Variants in PUDP observed in about 807,000 individuals in gnomAD.
The protein encoded by PUDP is pseudouridine 5'-phosphatase.
In PUDP, 8 loss-of-function variants were observed where a neutral mutation model predicts 9.4. The observed-to-expected ratio is 0.85, with a 90% CI of 0.50 to 1.53. The LOEUF is 1.53. Among genes scored for constraint, PUDP ranks in the 40% most tolerant of loss-of-function variants. PUDP has a pLI of 0.00. For missense variants in PUDP, 188 were observed against 189.7 expected (o/e 0.99, Z 0.05); for synonymous variants, 99 against 80.7 (o/e 1.23, Z -1.22).
chrX:6,885,532 C>A lies in PUDP; in HGVS notation c.*247+91601G>T, dbSNP rs372102645. Among the ~76,000 whole-genome samples, 302 of 112,126 alleles carry A rather than the reference C, an allele frequency of 2.7e-3. 4 individuals are homozygous for A. Among genetic ancestry groups the A allele is most frequent in the Non-Finnish European group, 4.3e-3 (227 of 53,250 alleles). On this transcript the variant is annotated intron_variant and NMD_transcript_variant, in intron 3 of 3. Coordinates refer to the PUDP transcript ENST00000655425. ...ACCCAATACAAACCTTAAGGGGGAT[C>A]ATCCAATGGTCCCTGTTTATAACAG...
chrX:6,902,464 A>G (rs1293954702), intron 3 of PUDP, among the ~76,000 whole-genome samples: 1 of 112,204 alleles, frequency 8.9e-6, no homozygotes, highest in Non-Finnish European at 1.9e-5. Context: ...TTGCTCACCA[A>G]TTGCAGAGAC....
intron 3 of PUDP, among the ~76,000 whole-genome samples, chrX:6,961,835 T>C (rs1307128806): frequency 1.8e-5 from 2 of 111,835 alleles, no homozygotes; most frequent in African/African-American, 6.5e-5. Flanking sequence ...GTGCATGGTC[T>C]TTACCCGTGA....
At chrX:6,748,298 G>A (rs1239048276) in intron 3 of PUDP, among the ~76,000 whole-genome samples, 1 of 111,823 alleles carries the variant, frequency 8.9e-6, no homozygotes, top group Non-Finnish European at 1.9e-5. Context: ...GTTCCTGCAG[G>A]CTTCTTTTAT....
chrX:6,967,299 C>T (rs1352027422), intron 3 of PUDP, among the ~76,000 whole-genome samples: 1 of 111,662 alleles, frequency 9.0e-6, no homozygotes, highest in Non-Finnish European at 1.9e-5. Context: ...CTGGCCCTCA[C>T]CCCTTAGCTG....
rs766036853 is a variant in PUDP at position 7,073,064 on chromosome X, A to G, written c.510+4156T>C. On this transcript the variant is annotated intron_variant, in intron 3 of 3. Transcript: ENST00000381077. ...TTCGGCACATGGAGGCCCTCTACCCACTGGGTCTCTGGCCTTCAGGGGATG... is the reference window on the plus strand; with the variant it reads ...TTCGGCACATGGAGGCCCTCTACCCGCTGGGTCTCTGGCCTTCAGGGGATG... Among the ~76,000 whole-genome samples, 183 of 110,840 alleles carry G rather than the reference A, an allele frequency of 1.7e-3. 1 individual carries two copies. Among genetic ancestry groups the G allele is most frequent in the African/African-American group, 5.9e-3 (179 of 30,526 alleles).
downstream of PUDP, among the ~76,000 whole-genome samples, chrX:7,046,125 T>C (rs1173004276): frequency 1.8e-5 from 2 of 112,351 alleles, no homozygotes; most frequent in African/African-American, 6.5e-5. Context: ...GTTTGTATTA[T>C]GAACTCAATT....
chrX:6,872,371 T>C (rs1927188426), intron 3 of PUDP, among the ~76,000 whole-genome samples: 1 of 111,329 alleles, frequency 9.0e-6, no homozygotes, highest in Non-Finnish European at 1.9e-5. Context: ...TCCACCTTAA[T>C]GACCTCATTT....
At chrX:6,896,219 T>C (rs1927589581) in intron 3 of PUDP, among the ~76,000 whole-genome samples, 1 of 111,445 alleles carries the variant, frequency 9.0e-6, no homozygotes, top group African/African-American at 3.3e-5. Context: ...AATGGGTTGT[T>C]ATGCATTGAG....
intron 3 of PUDP, among the ~76,000 whole-genome samples, chrX:6,867,217 C>T (rs1453084518): frequency 1.8e-5 from 2 of 112,100 alleles, no homozygotes; most frequent in East Asian, 5.6e-4. Context: ...CCTGAGAACA[C>T]ATTGCCCCCT....
At chrX:6,823,006 G>A (rs1276396496) in intron 3 of PUDP, among the ~76,000 whole-genome samples, 1 of 111,368 alleles carries the variant, frequency 9.0e-6, no homozygotes, top group Non-Finnish European at 1.9e-5. Flanking sequence ...CCTCAGGCAT[G>A]AGTATAGGAT....
chrX:7,100,985 A>T (rs190721173), intron 2 of PUDP, among the ~76,000 whole-genome samples: 2 of 112,045 alleles, frequency 1.8e-5, no homozygotes, highest in Non-Finnish European at 3.8e-5. Context: ...CCAAAGCGGC[A>T]CATCATCTGA....
intron 3 of PUDP, among the ~76,000 whole-genome samples, chrX:6,878,733 A>G (rs995074168): frequency 9.2e-6 from 1 of 108,961 alleles, no homozygotes; most frequent in African/African-American, 3.3e-5. Context: ...TTAAGATTTC[A>G]TAAGATAATT....
intron 3 of PUDP, among the ~76,000 whole-genome samples, chrX:6,772,148 T>G (rs988443400): frequency 1.8e-5 from 2 of 112,606 alleles, no homozygotes; most frequent in East Asian, 2.8e-4. Context: ...TCCTCTTGCA[T>G]TCATTTGCTT....
chrX:6,825,056 G>A (rs1207540682), intron 3 of PUDP, among the ~76,000 whole-genome samples: 1 of 111,524 alleles, frequency 9.0e-6, no homozygotes, highest in Non-Finnish European at 1.9e-5. Context: ...TTGTTGTCAT[G>A]GCAGCCTGAA....
chrX:6,812,191 C>G (rs1926154910), intron 3 of PUDP, among the ~76,000 whole-genome samples: 1 of 112,061 alleles, frequency 8.9e-6, no homozygotes, highest in Non-Finnish European at 1.9e-5. Flanking sequence ...CAGACAGTCT[C>G]TCATCCACCA....
At chrX:6,733,770 CTT>C (rs3046297) in intron 3 of PUDP, among the ~76,000 whole-genome samples, 178 of 46,218 alleles carry the variant, frequency 3.9e-3, no homozygotes, top group African/African-American at 0.017. Context: ...AAAGCAAAGC[CTT>C]TTTTTTTTTT....
At chrX:7,101,211 A>G (rs1341371882) in intron 2 of PUDP, among the ~76,000 whole-genome samples, 2 of 112,306 alleles carry the variant, frequency 1.8e-5, no homozygotes, top group Non-Finnish European at 3.8e-5. Flanking sequence ...AGCGGCTAGT[A>G]AAAGTTAAAA....
intron 1 of PUDP, among the ~76,000 whole-genome samples, chrX:7,038,704 A>G (rs1019196117): frequency 1.8e-5 from 2 of 111,868 alleles, no homozygotes; most frequent in African/African-American, 6.5e-5. Context: ...GAAGAAATTA[A>G]TACATATTAC....
At chrX:7,125,947 A>C (rs1368070889) in intron 1 of PUDP, among the ~76,000 whole-genome samples, 1 of 111,069 alleles carries the variant, frequency 9.0e-6, no homozygotes, top group Non-Finnish European at 1.9e-5. Context: ...GGGTGGGGAC[A>C]CAGCCAAACC....
Sources: allele counts gnomAD v4.1 joint callset (sites outside exome capture counted in the v4.1 genomes callset), GRCh38; gene constraint gnomAD v4.1.1; transcripts MANE v1.5; gene names NCBI Gene and HGNC (gene_info 2026-07-23, HGNC 2026-07-21).